The following TMEM272 variants were observed in gnomAD, a reference collection of about 807,000 sequenced individuals.
TMEM272 encodes long intergenic non-protein coding RNA 282.
A neutral mutation model predicts 3.7 loss-of-function variants in TMEM272; 8 were observed. The ratio of observed to expected loss-of-function variants is 2.17; its 90% CI spans 1.27 to 3.91. The LOEUF is 3.91. Ranked by LOEUF, TMEM272 falls within the 30% of genes most tolerant of loss-of-function variation. The pLI is 0.00. For synonymous variants in TMEM272, 63 were observed against 39.8 expected (o/e 1.58, Z -2.20); for missense variants, 166 against 91.5 (o/e 1.81, Z -3.32).
At chr13:51,849,280 G>C (rs1440718017), upstream of TMEM272, among the ~76,000 whole-genome samples, 1 of 152,150 alleles carries the variant, frequency 6.6e-6, no homozygotes, top group Admixed American at 6.5e-5. Flanking sequence ...CTCCACTCAC[G>C]TGAGGCACAC....
the TMEM272 span, among the ~76,000 whole-genome samples, chr13:51,906,636 T>G: frequency 6.6e-6 from 1 of 152,116 alleles, no homozygotes; most frequent in African/African-American, 2.4e-5. Flanking sequence ...GATAAGAAAA[T>G]AATATGTCCA....
chr13:51,859,526 AC>A, the TMEM272 span, among the ~76,000 whole-genome samples: 5 of 151,320 alleles, frequency 3.3e-5, no homozygotes, highest in African/African-American at 1.2e-4. Context: ...ACACACACAC[AC>A]ACACACACAC....
intron 3 of TMEM272, among the ~76,000 whole-genome samples, chr13:51,826,185 C>T (rs1024759609): frequency 1.3e-5 from 2 of 149,830 alleles, no homozygotes; most frequent in African/African-American, 2.5e-5. Context: ...CATCACCTAA[C>T]GCCAGGTGCA....
chr13:51,857,462 C>T, the TMEM272 span, among the ~76,000 whole-genome samples: 64 of 151,922 alleles, frequency 4.2e-4, no homozygotes, highest in African/African-American at 1.5e-3. Flanking sequence ...CTTGAATATA[C>T]GCAGAATTAA....
At chr13:51,930,962 T>C in the TMEM272 span, among the ~76,000 whole-genome samples, 2 of 152,188 alleles carry the variant, frequency 1.3e-5, no homozygotes, top group Admixed American at 1.3e-4. Context: ...GATGTCATTT[T>C]TGAAAAAAAA....
At position 51,815,834 on chromosome 13, in the gene TMEM272, TCCAAAG is replaced by T. The variant is rs1956017396; in HGVS notation, c.*911_*916del. 6.6e-6 allele frequency: 1 copy of T among 152,174 alleles called. No homozygotes were observed. Among genetic ancestry groups the T allele is most frequent in the Admixed American group, 6.5e-5 (1 of 15,276 alleles). The allele number at this position is 152,174 out of a possible 1,614,324, so 9.4% of individuals were successfully genotyped here. On this transcript the variant is annotated 3_prime_UTR_variant, in exon 5 of 5. Transcript: ENST00000629372. ...CAGACATCTCAATTTACAAAAGGCT[TCCAAAG>T]CCTAACTGGTCATTAGGTTGAGGAG...
At chr13:51,865,890 T>C in the TMEM272 span, 85 of 1,613,500 alleles carry the variant, frequency 5.3e-5, no homozygotes, top group Admixed American at 9.3e-4. Context: ...AGAGCCCTCC[T>C]TGAGGGGGAG....
the TMEM272 span, among the ~76,000 whole-genome samples, chr13:51,851,177 T>C: frequency 6.6e-6 from 1 of 151,938 alleles, no homozygotes; most frequent in African/African-American, 2.4e-5. Context: ...CTACAAAAAG[T>C]ACAAAAATTA....
intron 2 of TMEM272, among the ~76,000 whole-genome samples, chr13:51,835,437 G>A (rs1456450872): frequency 6.6e-6 from 1 of 152,024 alleles, no homozygotes; most frequent in Non-Finnish European, 1.5e-5. Flanking sequence ...CATGTTGCAG[G>A]ATGGTCTCGA....
At chr13:51,903,942 CGTGTGTGTGT>C in the TMEM272 span, among the ~76,000 whole-genome samples, 1 of 136,550 alleles carries the variant, frequency 7.3e-6, no homozygotes, top group South Asian at 2.6e-4. Flanking sequence ...CAGTCTTCCA[CGTGTGTGTGT>C]GTGTGTGTGT....
chr13:51,850,578 A>G, the TMEM272 span, among the ~76,000 whole-genome samples: 4 of 152,250 alleles, frequency 2.6e-5, no homozygotes, highest in Admixed American at 2.0e-4. Context: ...TATTTTACCA[A>G]TAATTTTTTC....
At chr13:51,915,254 A>G in the TMEM272 span, among the ~76,000 whole-genome samples, 2 of 152,244 alleles carry the variant, frequency 1.3e-5, no homozygotes, top group African/African-American at 4.8e-5. Context: ...GAAATGTTTC[A>G]TTATCGATAG....
At chr13:51,923,685 G>T in the TMEM272 span, among the ~76,000 whole-genome samples, 1 of 143,936 alleles carries the variant, frequency 6.9e-6, no homozygotes, top group African/African-American at 2.6e-5. Flanking sequence ...ATGAAGGAGA[G>T]AAGGGGGTAA....
At chr13:51,872,468 A>G in the TMEM272 span, among the ~76,000 whole-genome samples, 1 of 152,186 alleles carries the variant, frequency 6.6e-6, no homozygotes, top group African/African-American at 2.4e-5. Context: ...AAGAAAGAAA[A>G]GGAAAAGAAC....
the TMEM272 span, among the ~76,000 whole-genome samples, chr13:51,894,027 C>T: frequency 2.7e-4 from 41 of 152,194 alleles, no homozygotes; most frequent in Non-Finnish European, 5.1e-4. Context: ...GACAGGCCAG[C>T]AAGTTTCTAA....
At chr13:51,873,969 C>A in the TMEM272 span, among the ~76,000 whole-genome samples, 1 of 152,244 alleles carries the variant, frequency 6.6e-6, no homozygotes, top group East Asian at 1.9e-4. Context: ...TATTTCCCAG[C>A]CTCCCTTACA....
At chr13:51,905,442 C>G in the TMEM272 span, among the ~76,000 whole-genome samples, 13 of 152,326 alleles carry the variant, frequency 8.5e-5, no homozygotes, top group African/African-American at 3.1e-4. Context: ...TGGAGAGCAC[C>G]TTCTTCAGAG....
At chr13:51,820,067 T>A (rs1366299328) in intron 4 of TMEM272, among the ~76,000 whole-genome samples, 2 of 152,202 alleles carry the variant, frequency 1.3e-5, no homozygotes, top group African/African-American at 2.4e-5. Context: ...AACACACACA[T>A]GTCCATATGT....
chr13:51,854,324 C>T, the TMEM272 span, among the ~76,000 whole-genome samples: 6 of 152,180 alleles, frequency 3.9e-5, no homozygotes, highest in African/African-American at 1.4e-4. Context: ...TTCCCCAACC[C>T]ATCTAAATCA....
Sources: allele counts gnomAD v4.1 joint callset (sites outside exome capture counted in the v4.1 genomes callset), GRCh38; gene constraint gnomAD v4.1.1; transcripts MANE v1.5; gene names NCBI Gene and HGNC (gene_info 2026-07-23, HGNC 2026-07-21).